DPYSL3: variants seen among roughly 807,000 people sequenced by gnomAD.
DPYSL3 encodes the protein dihydropyrimidinase like 3, also known as dihydropyrimidinase-related protein 3.
In DPYSL3, 16 loss-of-function variants were observed where a neutral mutation model predicts 66.1. That is an observed-to-expected ratio of 0.24 (90% CI 0.16 to 0.37). The LOEUF (loss-of-function observed/expected upper bound fraction) is 0.37, where lower values mean the gene tolerates loss of function less well. Ranked by LOEUF, DPYSL3 falls within the 10% of genes least tolerant of loss-of-function variation. The probability of loss-of-function intolerance (pLI) is 1.00; values close to 1 mark genes in which losing one functional copy is unlikely to be tolerated. For missense variants in DPYSL3, 738 were observed against 916.2 expected (o/e 0.81, Z 2.51); for synonymous variants, 338 against 345.1 (o/e 0.98, Z 0.23).
chr5:147,448,393 G>A (rs548615166), intron 1 of DPYSL3, among the ~76,000 whole-genome samples: 34 of 152,144 alleles, frequency 2.2e-4, no homozygotes, highest in Non-Finnish European at 4.1e-4. Context: ...ACACTGTAAC[G>A]TAACTAAACA....
intron 1 of DPYSL3, among the ~76,000 whole-genome samples, chr5:147,489,600 A>G (rs1561804324): frequency 6.6e-6 from 1 of 152,128 alleles, no homozygotes; most frequent in Non-Finnish European, 1.5e-5. Context: ...CACCCCTTGA[A>G]CCTCATATTT....
intron 1 of DPYSL3, among the ~76,000 whole-genome samples, chr5:147,459,801 G>T (rs10072652): frequency 0.19 from 28,719 of 152,116 alleles, 3,416 homozygotes; most frequent in African/African-American, 0.33. Flanking sequence ...AAAGCCAAAG[G>T]CTAGAGTTAG....
In DPYSL3 at chr5:147,509,990, T is replaced by G; in HGVS notation, c.-132A>C. On this transcript the variant is annotated 5_prime_UTR_variant, in exon 1 of 14. Transcript: ENST00000343218. The surrounding 1 kb of genome is among the most constrained non-coding windows in gnomAD (Gnocchi z 5.3). ...TGAGCCTTCGCGCCAGAGGCGGCAG[T>G]GCTGCTCCGATTCCTGCTTGTCCCT... The G allele has an allele frequency of 1.5e-6, 2 of 1,358,298 alleles. No individual in the cohort carries two copies. Among genetic ancestry groups the G allele is most frequent in the Non-Finnish European group, 1.9e-6 (2 of 1,033,150 alleles). 84.1% of individuals were successfully genotyped at this position (1,358,298 alleles called of 1,614,324 possible).
chr5:147,396,013 T>C (rs1253086574), intron 12 of DPYSL3, among the ~76,000 whole-genome samples: 1 of 151,956 alleles, frequency 6.6e-6, no homozygotes, highest in Non-Finnish European at 1.5e-5. Context: ...GTTGGAGGGA[T>C]ACCGGGGAGT....
intron 1 of DPYSL3, among the ~76,000 whole-genome samples, chr5:147,455,146 G>T (rs997129308): frequency 6.6e-6 from 1 of 152,150 alleles, no homozygotes; most frequent in African/African-American, 2.4e-5. Flanking sequence ...TCATTAAAGT[G>T]AAGACGTGCT....
At chr5:147,434,682 T>A (rs73794728) in intron 1 of DPYSL3, among the ~76,000 whole-genome samples, 7,495 of 139,666 alleles carry the variant, frequency 0.054, 616 homozygotes, top group African/African-American at 0.18. Context: ...TGACCTAAAA[T>A]GACGAAGAGT....
chr5:147,422,852 TG>T (rs1392973132), intron 2 of DPYSL3, among the ~76,000 whole-genome samples: 1 of 149,070 alleles, frequency 6.7e-6, no homozygotes, highest in Admixed American at 6.7e-5. Context: ...CAGGGCCTGT[TG>T]GGGGTGGGGG....
intron 1 of DPYSL3, among the ~76,000 whole-genome samples, chr5:147,483,263 G>A (rs1157777856): frequency 6.6e-6 from 1 of 152,208 alleles, no homozygotes; most frequent in Admixed American, 6.5e-5. Flanking sequence ...ATGCTTTTTA[G>A]TTAGAGCTGT....
At chr5:147,397,881 G>C (rs934578339) in intron 11 of DPYSL3, 36 bp from the exon 12 acceptor site, 1 of 1,198,772 alleles carries the variant, frequency 8.3e-7, no homozygotes, top group Non-Finnish European at 1.1e-6. Flanking sequence ...CCACAGTAAG[G>C]GTAGAGAAAG....
Position 147,493,578 on chromosome 5 carries a change from AAAAG to A in DPYSL3, c.381+15896_381+15899del, listed in dbSNP as rs377058977. ...GACAGAGCGAGACTCTGTCTAAAAAAAAAGAAAGAAAGGAAGGAAGAAAGAAATA... is the reference window on the plus strand; with the variant it reads ...GACAGAGCGAGACTCTGTCTAAAAAAAAAGAAAGGAAGGAAGAAAGAAATA... On this transcript the variant is annotated intron_variant, in intron 1 of 13. Coordinates refer to ENST00000343218, the MANE Select transcript of DPYSL3 (RefSeq NM_001197294.2). Among the ~76,000 whole-genome samples the A allele has an allele frequency of 7.8e-4, 119 of 152,214 alleles. 1 individual carries two copies. Among genetic ancestry groups the A allele is most frequent in the African/African-American group, 2.7e-3 (111 of 41,528 alleles).
At chr5:147,453,670 C>T in intron 1 of DPYSL3, 2 of 1,469,908 alleles carry the variant, frequency 1.4e-6, no homozygotes, top group Non-Finnish European at 9.1e-7. Flanking sequence ...GCGCACAGCG[C>T]CCCGAGATCA....
chr5:147,431,301 G>A (rs942083107), intron 1 of DPYSL3, among the ~76,000 whole-genome samples: 3 of 152,046 alleles, frequency 2.0e-5, no homozygotes, highest in Non-Finnish European at 4.4e-5. Flanking sequence ...TCTCATCCTG[G>A]CTCTGTTATT....
At chr5:147,480,007 C>T (rs533962756) in intron 1 of DPYSL3, among the ~76,000 whole-genome samples, 5 of 152,300 alleles carry the variant, frequency 3.3e-5, no homozygotes, top group Admixed American at 1.3e-4. Context: ...TTTGTCAGCT[C>T]TAAGCCCAGC....
intron 1 of DPYSL3, among the ~76,000 whole-genome samples, chr5:147,502,690 C>A (rs1397934093): frequency 6.6e-6 from 1 of 151,496 alleles, no homozygotes. Context: ...CATTCTCCTG[C>A]CTCAGCCTCC....
chr5:147,451,646 C>T (rs1752730043), intron 1 of DPYSL3, among the ~76,000 whole-genome samples: 1 of 152,124 alleles, frequency 6.6e-6, no homozygotes, highest in South Asian at 2.1e-4. Context: ...AAAAAAATAT[C>T]GGTTCTCTGC....
At chr5:147,397,938 G>A in intron 11 of DPYSL3, 93 bp from the exon 12 acceptor site, 3 of 1,300,318 alleles carry the variant, frequency 2.3e-6, no homozygotes, top group Non-Finnish European at 2.0e-6. Context: ...ATTTGCTGCT[G>A]ATTCACCAGG....
intron 5 of DPYSL3, 70 bp downstream of exon 5, chr5:147,413,526 G>A (rs1751897815): frequency 1.6e-6 from 2 of 1,265,326 alleles, no homozygotes; most frequent in Non-Finnish European, 1.1e-6. Flanking sequence ...ATGTTACAAG[G>A]GCCAAGGTCA....
chr5:147,393,827 A>T lies in DPYSL3; in HGVS notation c.*208T>A. 3.4e-6 allele frequency: 2 copies of T among 591,240 alleles called. No homozygotes were observed. Among genetic ancestry groups the T allele is most frequent in the Non-Finnish European group, 6.0e-6 (2 of 335,158 alleles). The allele number at this position is 591,240 out of a possible 1,614,324, so 36.6% of individuals were successfully genotyped here. On this transcript the variant is annotated 3_prime_UTR_variant, in exon 14 of 14. Transcript: ENST00000343218. ...TAAATGGGGGGAGGGGAGTCAAACA[A>T]ATCAAGGCTATGCATAAACAGAAAA... is the stretch of plus-strand genomic sequence containing the variant.
intron 2 of DPYSL3, among the ~76,000 whole-genome samples, chr5:147,422,148 T>C (rs1031735301): frequency 1.3e-4 from 19 of 151,846 alleles, no homozygotes; most frequent in African/African-American, 4.4e-4. Context: ...TAAACAACTT[T>C]ACAAGAAAAA....
Sources: allele counts gnomAD v4.1 joint callset (sites outside exome capture counted in the v4.1 genomes callset), GRCh38; gene constraint gnomAD v4.1.1; non-coding constraint Gnocchi (gnomAD v3.1); transcripts MANE v1.5; gene names NCBI Gene and HGNC (gene_info 2026-07-23, HGNC 2026-07-21).